Variants in DISC1 observed in about 807,000 individuals in gnomAD.
DISC1 encodes the protein DISC1 scaffold protein.
In DISC1, 57 loss-of-function variants were observed where a neutral mutation model predicts 84.5. That is an observed-to-expected ratio of 0.67 (90% CI 0.55 to 0.84). The LOEUF (loss-of-function observed/expected upper bound fraction) is 0.84. Ranked by LOEUF, DISC1 falls within the 40% of genes least tolerant of loss-of-function variation. DISC1 has a pLI of 0.00. For synonymous variants in DISC1, 411 were observed against 415.2 expected (o/e 0.99, Z 0.12); for missense variants, 1,000 against 1,057.8 (o/e 0.95, Z 0.76).
At chr1:231,827,078 T>G (rs1054357476) in intron 9 of DISC1, among the ~76,000 whole-genome samples, 2 of 152,088 alleles carry the variant, frequency 1.3e-5, no homozygotes, top group East Asian at 3.9e-4. Flanking sequence ...AACCTCCACC[T>G]CCCGGGTTCA....
intron 1 of DISC1, among the ~76,000 whole-genome samples, chr1:231,660,469 A>AT (rs1426141519): frequency 7.3e-4 from 111 of 151,838 alleles, no homozygotes; most frequent in African/African-American, 2.5e-3. Context: ...CCCAAAAAAA[A>AT]AATATATATA....
chr1:231,829,525 CTGGCT>C (rs1447153476), intron 9 of DISC1, among the ~76,000 whole-genome samples: 1 of 152,118 alleles, frequency 6.6e-6, no homozygotes, highest in Non-Finnish European at 1.5e-5. Context: ...CCACCATGGC[CTGGCT>C]TGGTAGAGAC....
intron 9 of DISC1, among the ~76,000 whole-genome samples, chr1:231,825,751 T>C (rs2081818391): frequency 6.6e-6 from 1 of 152,230 alleles, no homozygotes. Context: ...CTTTATGTTT[T>C]AGTATCATTC....
intron 4 of DISC1, chr1:231,750,718 C>A: frequency 2.7e-6 from 1 of 374,594 alleles, no homozygotes; most frequent in Non-Finnish European, 3.7e-6. Flanking sequence ...TATTGGCATG[C>A]TTAAAAAGGC....
At chr1:231,867,670 T>A (rs1334805442) in intron 9 of DISC1, among the ~76,000 whole-genome samples, 1 of 152,238 alleles carries the variant, frequency 6.6e-6, no homozygotes, top group Non-Finnish European at 1.5e-5. Context: ...ATTGTCGTGT[T>A]ACCCATAAGT....
intron 9 of DISC1, among the ~76,000 whole-genome samples, chr1:231,839,794 G>T (rs1361791895): frequency 6.6e-6 from 1 of 152,172 alleles, no homozygotes; most frequent in African/African-American, 2.4e-5. Flanking sequence ...GGTGGAAAGG[G>T]CAGGGGAGCC....
At chr1:231,695,165 G>C (rs1017397513) in intron 2 of DISC1, among the ~76,000 whole-genome samples, 6 of 152,174 alleles carry the variant, frequency 3.9e-5, no homozygotes, top group Admixed American at 3.3e-4. Flanking sequence ...GGAAGGACTT[G>C]AGAGATACAA....
intron 11 of DISC1, among the ~76,000 whole-genome samples, chr1:232,013,490 C>T (rs1171018134): frequency 6.7e-6 from 1 of 149,428 alleles, no homozygotes; most frequent in African/African-American, 2.5e-5. Context: ...TAAGGGCTAA[C>T]ACTCCTATAA....
intron 2 of DISC1, among the ~76,000 whole-genome samples, chr1:231,699,451 A>G (rs370772567): frequency 1.9e-4 from 29 of 152,188 alleles, no homozygotes; most frequent in African/African-American, 6.0e-4. Context: ...AACAAAAAAC[A>G]AAACAAACCT....
rs138623735 is a variant in DISC1, at chr1:231,723,857, A to G, written c.1117+21833A>G. On this transcript the variant is annotated intron_variant, in intron 3 of 12. Coordinates refer to ENST00000439617, the MANE Select transcript of DISC1 (RefSeq NM_018662.3). ...TGGGGTGGGCTACATCTTCTTACCC[A>G]AACAACCAGGAGCATTTGTTGGCAA... is the stretch of plus-strand genomic sequence containing the variant. The G allele has an allele frequency of 1.4e-3, 1,400 of 985,362 alleles. 21 individuals carry two copies. The African/African-American group carries it at 0.023, about 16-fold the overall frequency. The allele number at this position is 985,362 out of a possible 1,614,324, so 61.0% of individuals were successfully genotyped here. A position where few individuals can be genotyped will look rare whatever the true frequency, so the allele number is the denominator to read the frequency against.
At chr1:231,650,093 G>T (rs1013394472) in intron 1 of DISC1, among the ~76,000 whole-genome samples, 1 of 152,178 alleles carries the variant, frequency 6.6e-6, no homozygotes, top group African/African-American at 2.4e-5. Flanking sequence ...GTGTGAATTT[G>T]ATCCCATCAT....
intron 9 of DISC1, among the ~76,000 whole-genome samples, chr1:231,929,339 C>T (rs781574797): frequency 6.6e-6 from 1 of 152,156 alleles, no homozygotes; most frequent in Non-Finnish European, 1.5e-5. Flanking sequence ...CTACTCACCT[C>T]CCCCACTCCT....
At chr1:231,873,053 T>C (rs1303238664) in intron 9 of DISC1, among the ~76,000 whole-genome samples, 3 of 152,226 alleles carry the variant, frequency 2.0e-5, no homozygotes, top group Non-Finnish European at 4.4e-5. Context: ...TGGAAGAAGA[T>C]GGTGGGAGGC....
At chr1:231,660,750 T>C (rs2125367521) in intron 1 of DISC1, among the ~76,000 whole-genome samples, 2 of 152,336 alleles carry the variant, frequency 1.3e-5, no homozygotes, top group South Asian at 4.1e-4. Context: ...CCACTGTGCC[T>C]GGCCTAGCCC....
intron 11 of DISC1, among the ~76,000 whole-genome samples, chr1:232,010,691 A>T (rs114920304): frequency 9.5e-4 from 145 of 152,354 alleles, no homozygotes; most frequent in African/African-American, 3.4e-3. Context: ...AAAGCAACAG[A>T]AACCAGTGTA....
chr1:231,744,283 G>T (rs1003549641), intron 3 of DISC1, among the ~76,000 whole-genome samples: 3 of 152,168 alleles, frequency 2.0e-5, no homozygotes, highest in Admixed American at 2.0e-4. Context: ...CCCACCCACT[G>T]CCCCAGGGTG....
intron 9 of DISC1, among the ~76,000 whole-genome samples, chr1:231,860,203 C>T (rs1001398808): frequency 6.6e-6 from 1 of 152,160 alleles, no homozygotes; most frequent in African/African-American, 2.4e-5. Context: ...TTTAAAGAAT[C>T]TTGGCATCTG....
Position 231,694,345 on chromosome 1 carries a change from C to T in DISC1, c.587C>T (p.Pro196Leu). The part of the protein sequence containing the change: ...SCSPGCGPEV[P>L]PTPPGSHSAF... ...AGCCCTGGCTGTGGCCCTGAGGTCC[C>T]CCCAACCCCTCCTGGCTCTCACAGT... is the stretch of plus-strand genomic sequence containing the variant. Residue 196 changes from proline (P) to leucine (L), a missense_variant, in exon 2 of 13, where the codon CCC becomes CTC. By Grantham distance (98) the Pro-to-Leu change is moderately conservative (BLOSUM62 -3). Around this residue, in one of 3 missense-constraint regions of DISC1, gnomAD observed 292 missense variants for 280.2 expected, o/e 1.04. Coordinates refer to ENST00000439617, the MANE Select transcript of DISC1 (RefSeq NM_018662.3). The T allele has an allele frequency of 6.2e-7, 1 of 1,614,240 alleles. No homozygotes were observed. Among genetic ancestry groups the T allele is most frequent in the Non-Finnish European group, 8.5e-7 (1 of 1,180,040 alleles).
chr1:231,762,962 C>T lies in DISC1; in HGVS notation c.1269-4178C>T, dbSNP rs564794873. On this transcript the variant is annotated intron_variant, in intron 4 of 12. Coordinates refer to ENST00000439617, the MANE Select transcript of DISC1 (RefSeq NM_018662.3). ...GAGAGATTAGGTAAGTGCGGTGACA[C>T]GGTGTGAAAAAGGCAGAACCAAGAC... 3.4e-4 allele frequency among the ~76,000 whole-genome samples: 52 copies of T among 152,266 alleles called. 1 individual carries two copies. Among genetic ancestry groups the T allele is most frequent in the Admixed American group, 7.8e-4 (12 of 15,302 alleles).
Sources: allele counts gnomAD v4.1 joint callset (sites outside exome capture counted in the v4.1 genomes callset), GRCh38; gene constraint gnomAD v4.1.1; regional missense constraint gnomAD v4.1.1; transcripts MANE v1.5; gene names NCBI Gene and HGNC (gene_info 2026-07-23, HGNC 2026-07-21).